ZBTB7C: variants seen among roughly 807,000 people sequenced by gnomAD.
ZBTB7C encodes zinc finger and BTB domain-containing protein 7C.
In ZBTB7C, 8 loss-of-function variants were observed where a neutral mutation model predicts 25.7. That is an observed-to-expected ratio of 0.31 (90% CI 0.18 to 0.56). ZBTB7C has a LOEUF of 0.56. Ranked by LOEUF, ZBTB7C falls within the 20% of genes least tolerant of loss-of-function variation. The pLI is 0.91. For missense variants in ZBTB7C, 824 were observed against 855.2 expected (o/e 0.96, Z 0.46); for synonymous variants, 394 against 369.0 (o/e 1.07, Z -0.78).
At chr18:48,332,324 T>A (rs1598890162) in intron 2 of ZBTB7C, among the ~76,000 whole-genome samples, 1 of 152,212 alleles carries the variant, frequency 6.6e-6, no homozygotes, top group Non-Finnish European at 1.5e-5. Flanking sequence ...AAATTGGTAG[T>A]TAGAGCTATC....
chr18:48,316,601 G>T (rs561581079), intron 2 of ZBTB7C, among the ~76,000 whole-genome samples: 1 of 152,202 alleles, frequency 6.6e-6, no homozygotes, highest in Non-Finnish European at 1.5e-5. Context: ...GTTCACAGGA[G>T]AGCTGGTTGT....
At chr18:48,246,977 C>G (rs1481205724) in intron 2 of ZBTB7C, among the ~76,000 whole-genome samples, 1 of 152,146 alleles carries the variant, frequency 6.6e-6, no homozygotes, top group Non-Finnish European at 1.5e-5. Context: ...TAAAATTATA[C>G]CATGACAAAG....
At chr18:48,241,707 G>T (rs1192997450) in intron 2 of ZBTB7C, among the ~76,000 whole-genome samples, 2 of 152,162 alleles carry the variant, frequency 1.3e-5, no homozygotes, top group Non-Finnish European at 2.9e-5. Context: ...AGCAAAAGCA[G>T]TGCTAAGAGG....
intron 3 of ZBTB7C, among the ~76,000 whole-genome samples, chr18:48,109,688 G>A (rs73956491): frequency 0.03 from 4,567 of 152,252 alleles, 216 homozygotes; most frequent in African/African-American, 0.1. Context: ...AGGGAGCTGA[G>A]GCAGGGCCTG....
At chr18:48,138,318 C>G (rs2040236047) in intron 3 of ZBTB7C, among the ~76,000 whole-genome samples, 1 of 152,162 alleles carries the variant, frequency 6.6e-6, no homozygotes, top group Non-Finnish European at 1.5e-5. Context: ...ACAGGTGCCC[C>G]TTGCCTGAAA....
intron 3 of ZBTB7C, chr18:48,165,025 A>T (rs904371947): frequency 2.8e-5 from 34 of 1,203,460 alleles, no homozygotes; most frequent in Non-Finnish European, 3.3e-5. Context: ...AAGCCAAAAC[A>T]ATTCTATACA....
intron 2 of ZBTB7C, among the ~76,000 whole-genome samples, chr18:48,232,391 C>A (rs2043278994): frequency 6.6e-6 from 1 of 152,128 alleles, no homozygotes. Context: ...TTGTTTTAAG[C>A]CACCTACTTT....
chr18:48,158,374 G>A (rs1379685992), intron 3 of ZBTB7C, among the ~76,000 whole-genome samples: 3 of 152,078 alleles, frequency 2.0e-5, no homozygotes, highest in African/African-American at 4.8e-5. Context: ...CAAAGCCACC[G>A]ACACACACAC....
intron 2 of ZBTB7C, among the ~76,000 whole-genome samples, chr18:48,332,747 C>T (rs1017535882): frequency 1.3e-5 from 2 of 149,852 alleles, no homozygotes; most frequent in African/African-American, 4.9e-5. Flanking sequence ...CCTCGTATTC[C>T]CTCCAGGCCA....
At chr18:48,066,359 G>A (rs542493795) in intron 3 of ZBTB7C, among the ~76,000 whole-genome samples, 4 of 152,352 alleles carry the variant, frequency 2.6e-5, no homozygotes, top group East Asian at 3.9e-4. Flanking sequence ...CTGGGGGGGC[G>A]GAGGTGGGGG....
chr18:48,125,619 G>C (rs773203348), intron 3 of ZBTB7C, among the ~76,000 whole-genome samples: 1 of 152,240 alleles, frequency 6.6e-6, no homozygotes, highest in Non-Finnish European at 1.5e-5. Flanking sequence ...GAGACGCAGT[G>C]AAGCACTGTG....
intron 2 of ZBTB7C, among the ~76,000 whole-genome samples, chr18:48,330,199 C>A (rs2046312307): frequency 6.6e-6 from 1 of 152,240 alleles, no homozygotes; most frequent in South Asian, 2.1e-4. Context: ...GGGCATGCCC[C>A]AGCATGTCTT....
At chr18:48,282,442 C>G (rs980324959) in intron 2 of ZBTB7C, among the ~76,000 whole-genome samples, 4 of 151,704 alleles carry the variant, frequency 2.6e-5, no homozygotes, top group Non-Finnish European at 1.5e-5. Context: ...GCACATATAC[C>G]CTAAAACTTA....
intron 3 of ZBTB7C, among the ~76,000 whole-genome samples, chr18:48,175,673 C>T (rs1427102664): frequency 6.6e-6 from 1 of 152,112 alleles, no homozygotes; most frequent in African/African-American, 2.4e-5. Flanking sequence ...CAGAGCCCCC[C>T]AGAGAAATTA....
At chr18:48,283,365 C>T (rs1236741105) in intron 2 of ZBTB7C, among the ~76,000 whole-genome samples, 1 of 152,152 alleles carries the variant, frequency 6.6e-6, no homozygotes, top group Non-Finnish European at 1.5e-5. Context: ...TTTCTATTTT[C>T]TGTTTTTTTC....
chr18:48,056,076 A>G (rs2036905345), intron 3 of ZBTB7C, among the ~76,000 whole-genome samples: 2 of 152,264 alleles, frequency 1.3e-5, no homozygotes, highest in South Asian at 4.1e-4. Context: ...ATGATTGGAT[A>G]CTTTCCTATA....
At chr18:48,231,551 T>C (rs1218664359) in intron 2 of ZBTB7C, among the ~76,000 whole-genome samples, 3 of 152,244 alleles carry the variant, frequency 2.0e-5, no homozygotes, top group Non-Finnish European at 4.4e-5. Context: ...GGGTCTCCTC[T>C]GAGCTGCTCT....
chr18:48,138,597 G>A (rs2144817067), intron 3 of ZBTB7C, among the ~76,000 whole-genome samples: 1 of 152,298 alleles, frequency 6.6e-6, no homozygotes, highest in South Asian at 2.1e-4. Flanking sequence ...AGGATGTGGT[G>A]GGGAGAGGCT....
chr18:48,085,592 C>T (rs576518230), intron 3 of ZBTB7C, among the ~76,000 whole-genome samples: 1 of 152,336 alleles, frequency 6.6e-6, no homozygotes, highest in Admixed American at 6.5e-5. Flanking sequence ...GTCAATTCTA[C>T]ATCCTAGGGT....
Sources: allele counts gnomAD v4.1 joint callset (sites outside exome capture counted in the v4.1 genomes callset), GRCh38; gene constraint gnomAD v4.1.1; transcripts MANE v1.5; gene names NCBI Gene and HGNC (gene_info 2026-07-23, HGNC 2026-07-21).